Variants in MAPK10 observed in about 807,000 individuals in gnomAD.
MAPK10 encodes the protein mitogen-activated protein kinase 10, also known as JNK3 alpha protein kinase.
In MAPK10, 25 loss-of-function variants were observed where a neutral mutation model predicts 59.3. That is an observed-to-expected ratio of 0.42 (90% CI 0.31 to 0.59). The LOEUF (loss-of-function observed/expected upper bound fraction) is 0.59. Among genes scored for constraint, MAPK10 ranks in the 20% least tolerant of loss-of-function variants. The probability of loss-of-function intolerance (pLI) is 0.15; values close to 1 mark genes in which losing one functional copy is unlikely to be tolerated. For missense variants in MAPK10, 351 were observed against 568.9 expected (o/e 0.62, Z 3.90); for synonymous variants, 190 against 200.5 (o/e 0.95, Z 0.44).
At chr4:86,437,037 C>G (rs186703944) in intron 1 of MAPK10, among the ~76,000 whole-genome samples, 10 of 151,936 alleles carry the variant, frequency 6.6e-5, no homozygotes, top group Admixed American at 1.3e-4. Context: ...ACGGTGAAAC[C>G]ACATCTCTAC....
intron 11 of MAPK10, among the ~76,000 whole-genome samples, chr4:86,050,675 T>C (rs1410900131): frequency 6.6e-6 from 1 of 152,128 alleles, no homozygotes; most frequent in Non-Finnish European, 1.5e-5. Context: ...ATTCATTACT[T>C]AAGAAAACCT....
At chr4:86,526,189 A>T (rs908435311) in intron 1 of MAPK10, among the ~76,000 whole-genome samples, 1 of 152,152 alleles carries the variant, frequency 6.6e-6, no homozygotes, top group African/African-American at 2.4e-5. Context: ...CTGTAAATCC[A>T]TCTTATCCAG....
chr4:86,077,444 T>C (rs2049732597), intron 9 of MAPK10, among the ~76,000 whole-genome samples: 1 of 152,210 alleles, frequency 6.6e-6, no homozygotes, highest in East Asian at 1.9e-4. Flanking sequence ...TTTCTGCGTA[T>C]TGTGGGTCAA....
intron 2 of MAPK10, among the ~76,000 whole-genome samples, chr4:86,227,787 G>A (rs796994909): frequency 9.2e-5 from 14 of 152,248 alleles, no homozygotes; most frequent in African/African-American, 2.4e-4. Context: ...CTCTATCCCT[G>A]TTTCTTTCCT....
intron 2 of MAPK10, among the ~76,000 whole-genome samples, chr4:86,259,825 A>G (rs2093914799): frequency 6.6e-6 from 1 of 152,148 alleles, no homozygotes; most frequent in South Asian, 2.1e-4. Flanking sequence ...AGATGATCAC[A>G]GTTCAGAGAT....
intron 1 of MAPK10, among the ~76,000 whole-genome samples, chr4:86,501,269 G>A (rs1300294996): frequency 2.6e-5 from 4 of 151,918 alleles, no homozygotes; most frequent in African/African-American, 9.7e-5. Flanking sequence ...TGTGCCCTAT[G>A]TTCAGGTGCA....
chr4:86,143,410 C>T (rs976490873), intron 4 of MAPK10, among the ~76,000 whole-genome samples: 14 of 152,114 alleles, frequency 9.2e-5, no homozygotes, highest in Non-Finnish European at 1.9e-4. Flanking sequence ...ACCCTAGTGG[C>T]TTTGGTCACA....
At chr4:86,410,469 A>G (rs993711196) in intron 1 of MAPK10, among the ~76,000 whole-genome samples, 2 of 152,198 alleles carry the variant, frequency 1.3e-5, no homozygotes, top group Non-Finnish European at 2.9e-5. Context: ...ATAGTTTCAG[A>G]AAGAATGGTA....
intron 11 of MAPK10, among the ~76,000 whole-genome samples, chr4:86,059,921 C>G (rs989523222): frequency 6.6e-6 from 1 of 152,132 alleles, no homozygotes; most frequent in African/African-American, 2.4e-5. Context: ...TTCTCAAGTA[C>G]CCCAGGTTCA....
rs1327779838 is a variant in MAPK10, at chr4:86,090,717, T to G, written c.802+7807A>C. ...ATCATACTGTCCAAAGAGACCAGTTTGACTAAATTGCTATTTATGGATTAT... is the reference window on the plus strand; with the variant it reads ...ATCATACTGTCCAAAGAGACCAGTTGGACTAAATTGCTATTTATGGATTAT... On this transcript the variant is annotated intron_variant, in intron 9 of 13. Coordinates refer to ENST00000641462, the MANE Select transcript of MAPK10 (RefSeq NM_138982.4). 3.9e-5 allele frequency: 6 copies of G among 152,326 alleles called. No individual in the cohort carries two copies. The East Asian group carries it at 1.2e-3, about 29-fold the overall frequency. The allele number at this position is 152,326 out of a possible 1,614,324, so 9.4% of individuals were successfully genotyped here.
chr4:86,561,426 T>C lies in MAPK10; in HGVS notation c.-263+32484A>G, dbSNP rs529573886. 4.7e-4 allele frequency among the ~76,000 whole-genome samples: 71 copies of C among 152,364 alleles called. 1 individual carries two copies. The South Asian group carries it at 0.014, about 31-fold the overall frequency. ...TCCAGACTCTCATGTGTTTTCGACA[T>C]TATTTGAACCTAGTTTCAAAAGCTC... On this transcript the variant is annotated intron_variant, in intron 1 of 4. Coordinates refer to the MAPK10 transcript ENST00000502302.
At chr4:86,107,739 C>A in intron 4 of MAPK10, 1 of 741,542 alleles carries the variant, frequency 1.3e-6, no homozygotes, top group Non-Finnish European at 1.6e-6. Flanking sequence ...CATTTAATCT[C>A]TCTGAGCTTG....
chr4:86,290,948 C>T (rs919736110), intron 2 of MAPK10, among the ~76,000 whole-genome samples: 1 of 152,128 alleles, frequency 6.6e-6, no homozygotes, highest in African/African-American at 2.4e-5. Flanking sequence ...TTGTTTTAGA[C>T]TTTTATGATG....
chr4:86,535,933 G>A (rs1758207837), intron 1 of MAPK10, among the ~76,000 whole-genome samples: 1 of 152,140 alleles, frequency 6.6e-6, no homozygotes, highest in East Asian at 1.9e-4. Flanking sequence ...TGGCCACTGT[G>A]CTCTTAGGGA....
At chr4:86,413,350 G>T (rs887364730) in intron 1 of MAPK10, among the ~76,000 whole-genome samples, 4 of 152,216 alleles carry the variant, frequency 2.6e-5, no homozygotes, top group Non-Finnish European at 4.4e-5. Flanking sequence ...TCCTAGTCAG[G>T]CTACACAGGG....
intron 2 of MAPK10, among the ~76,000 whole-genome samples, chr4:86,331,106 G>A (rs4693142): frequency 0.72 from 109,917 of 152,034 alleles, 40,476 homozygotes; most frequent in South Asian, 0.9. Flanking sequence ...TAGAGTGCAG[G>A]TCATAACTAC....
At chr4:86,299,291 T>C (rs4349565) in intron 2 of MAPK10, among the ~76,000 whole-genome samples, 2 of 152,238 alleles carry the variant, frequency 1.3e-5, no homozygotes, top group Non-Finnish European at 2.9e-5. Flanking sequence ...AGTCATCTCA[T>C]TACACTGTGC....
intron 9 of MAPK10, among the ~76,000 whole-genome samples, chr4:86,084,143 G>C (rs1168375552): frequency 6.6e-6 from 1 of 152,120 alleles, no homozygotes; most frequent in Non-Finnish European, 1.5e-5. Flanking sequence ...GGTGACTATG[G>C]GGCGAGACAA....
At position 86,013,046 on chromosome 4, in the gene MAPK10, T is replaced by C. The variant is rs944610335; in HGVS notation, c.*4182A>G. ...GAGATTTGTGTCCATTAGAATATAC[T>C]GGCCATTGGTCCCACATAAGTAAAG... On this transcript the variant is annotated 3_prime_UTR_variant, in exon 14 of 14. Transcript: ENST00000641462. 1 of 152,178 alleles carries C rather than the reference T, an allele frequency of 6.6e-6. No individual in the cohort carries two copies. The highest frequency in any genetic ancestry group is 1.5e-5 in the Non-Finnish European group (1 of 68,034). 9.4% of individuals were successfully genotyped at this position (152,178 alleles called of 1,614,324 possible).
Sources: allele counts gnomAD v4.1 joint callset (sites outside exome capture counted in the v4.1 genomes callset), GRCh38; gene constraint gnomAD v4.1.1; transcripts MANE v1.5; gene names NCBI Gene and HGNC (gene_info 2026-07-23, HGNC 2026-07-21).